Variants in UTS2 observed in about 807,000 individuals in gnomAD.
UTS2 encodes urotensin-2.
A neutral mutation model predicts 12.6 loss-of-function variants in UTS2; 10 were observed. That is an observed-to-expected ratio of 0.80 (90% CI 0.49 to 1.35). The LOEUF (loss-of-function observed/expected upper bound fraction) is 1.35, where lower values mean the gene tolerates loss of function less well. UTS2 is among the 40% of genes most tolerant of loss of function. The probability of loss-of-function intolerance (pLI) is 0.00; values close to 1 mark genes in which losing one functional copy is unlikely to be tolerated. For synonymous variants in UTS2, 52 were observed against 50.0 expected, an observed-to-expected ratio of 1.04 and a Z score of -0.17; for missense variants, 142 against 143.2, an observed-to-expected ratio of 0.99 and a Z score of 0.04.
the UTS2 span, among the ~76,000 whole-genome samples, chr1:7,905,512 G>T: frequency 6.7e-6 from 1 of 149,976 alleles, no homozygotes; most frequent in Admixed American, 6.7e-5. Context: ...GGCAAAAACT[G>T]CAATTACTTT....
upstream of UTS2, chr1:7,853,262 A>G (rs776807829): frequency 5.0e-6 from 8 of 1,611,448 alleles, no homozygotes; most frequent in Non-Finnish European, 6.8e-6. Flanking sequence ...TAGGTATTAT[A>G]TAAAGAACAG....
the UTS2 span, among the ~76,000 whole-genome samples, chr1:7,887,592 CAAAAAAA>C: frequency 0.023 from 1,455 of 62,452 alleles, 17 homozygotes; most frequent in African/African-American, 0.083. Flanking sequence ...CCAGTCTCTA[CAAAAAAA>C]AAAAAAAAAA....
Position 7,850,934 on chromosome 1 carries a change from A to T in UTS2, c.104-12T>A. 1 of 1,613,544 alleles carries T rather than the reference A, an allele frequency of 6.2e-7. No individual in the cohort carries two copies. Among genetic ancestry groups the T allele is most frequent in the African/African-American group, 1.3e-5 (1 of 75,022 alleles). On this transcript the variant is annotated splice_polypyrimidine_tract_variant and intron_variant, in intron 1 of 3. Transcript: ENST00000361696. ...GTCTTCATGAGGTGCTACAGAGTAAAAACAGATACTTAGAATTGGGTTCAT... is the reference window on the plus strand; with the variant it reads ...GTCTTCATGAGGTGCTACAGAGTAATAACAGATACTTAGAATTGGGTTCAT...
At chr1:7,857,916 C>T (rs886108016), upstream of UTS2, among the ~76,000 whole-genome samples, 1 of 151,096 alleles carries the variant, frequency 6.6e-6, no homozygotes, top group Non-Finnish European at 1.5e-5. Context: ...CATGTTTATG[C>T]TCATGCATGT....
chr1:7,891,357 C>A, the UTS2 span, among the ~76,000 whole-genome samples: 6 of 151,888 alleles, frequency 4.0e-5, no homozygotes, highest in Non-Finnish European at 2.9e-5. Flanking sequence ...GAAACCCGGT[C>A]TCTACTAAAA....
chr1:7,907,195 G>A, the UTS2 span, among the ~76,000 whole-genome samples: 2 of 152,124 alleles, frequency 1.3e-5, no homozygotes, highest in African/African-American at 4.8e-5. Context: ...GGTGGAGACT[G>A]CAATGAGCTG....
chr1:7,885,072 A>T, the UTS2 span, among the ~76,000 whole-genome samples: 1 of 137,618 alleles, frequency 7.3e-6, no homozygotes, highest in Non-Finnish European at 1.6e-5. Flanking sequence ...ATCCATTCAG[A>T]CATCCATCCA....
chr1:7,872,299 CAAAAAA>C, the UTS2 span, among the ~76,000 whole-genome samples: 3 of 65,884 alleles, frequency 4.6e-5, no homozygotes, highest in Admixed American at 2.7e-4. Flanking sequence ...GACTCTGTCT[CAAAAAA>C]AAAAAAAAAA....
the UTS2 span, among the ~76,000 whole-genome samples, chr1:7,878,848 C>T: frequency 1.6e-4 from 24 of 152,104 alleles, no homozygotes; most frequent in South Asian, 3.3e-3. Context: ...AAATGGAAAC[C>T]GAAAGAGCCA....
the UTS2 span, among the ~76,000 whole-genome samples, chr1:7,893,586 G>A: frequency 3.0e-3 from 451 of 152,234 alleles, no homozygotes; most frequent in African/African-American, 9.8e-3. Flanking sequence ...GTGATGACAC[G>A]TCACAGACCC....
At chr1:7,897,797 G>A in the UTS2 span, among the ~76,000 whole-genome samples, 1 of 152,092 alleles carries the variant, frequency 6.6e-6, no homozygotes, top group Non-Finnish European at 1.5e-5. Flanking sequence ...ATGTTGGCCA[G>A]GCTGGTCTCG....
In UTS2 at chr1:7,847,677, C is replaced by G; in HGVS notation, c.*89G>C. The G allele has an allele frequency of 9.3e-7, 1 of 1,080,918 alleles. No individual in the cohort carries two copies. The highest frequency in any genetic ancestry group is 2.4e-5 in the East Asian group (1 of 41,930). 67.0% of individuals were successfully genotyped at this position (1,080,918 alleles called of 1,614,324 possible). ...ACAGGGTGTAGTTTGCCTAGTTTTT[C>G]TCCACACTGTTTTCAAATCAAGCAT... On this transcript the variant is annotated 3_prime_UTR_variant, in exon 4 of 4. Transcript: ENST00000361696.
At chr1:7,859,178 G>A in the UTS2 span, among the ~76,000 whole-genome samples, 28 of 152,206 alleles carry the variant, frequency 1.8e-4, 1 homozygote, top group East Asian at 2.1e-3. Flanking sequence ...AGACATCATC[G>A]GGGTCCATTC....
At chr1:7,877,126 C>CAAAAAAA in the UTS2 span, among the ~76,000 whole-genome samples, 4 of 62,780 alleles carry the variant, frequency 6.4e-5, no homozygotes, top group East Asian at 5.2e-4. Context: ...GAGACTCTAT[C>CAAAAAAA]AAAAAAAAAA....
the UTS2 span, among the ~76,000 whole-genome samples, chr1:7,862,672 A>C: frequency 6.6e-6 from 1 of 152,086 alleles, no homozygotes; most frequent in Admixed American, 6.5e-5. Context: ...CTCTCTTAAC[A>C]ACCAGTTCTC....
In UTS2 at chr1:7,847,700, C is replaced by A; in HGVS notation, c.*66G>T. 8.0e-7 allele frequency: 1 copy of A among 1,252,922 alleles called. No individual in the cohort carries two copies. Among genetic ancestry groups the A allele is most frequent in the Admixed American group, 1.9e-5 (1 of 52,068 alleles). The allele number at this position is 1,252,922 out of a possible 1,614,324, so 77.6% of individuals were successfully genotyped here. A position where few individuals can be genotyped will look rare whatever the true frequency, so the allele number is the denominator to read the frequency against. ...TTCTCCACACTGTTTTCAAATCAAG[C>A]ATTGTGTTATTTTTCATATTCTAAG... is the stretch of plus-strand genomic sequence containing the variant. On this transcript the variant is annotated 3_prime_UTR_variant, in exon 4 of 4. Coordinates refer to ENST00000361696, the MANE Select transcript of UTS2 (RefSeq NM_006786.4).
At chr1:7,887,040 C>CAAAAAAAAA in the UTS2 span, among the ~76,000 whole-genome samples, 5 of 34,724 alleles carry the variant, frequency 1.4e-4, no homozygotes, top group African/African-American at 6.3e-4. Flanking sequence ...GACTCCGTCT[C>CAAAAAAAAA]AAAAAAAAAA....
chr1:7,849,967 C>CA (rs1208824367), intron 2 of UTS2, among the ~76,000 whole-genome samples: 8 of 127,200 alleles, frequency 6.3e-5, no homozygotes, highest in South Asian at 5.9e-4. Flanking sequence ...TTAAAAGGCT[C>CA]AAATTTTTTT....
chr1:7,849,051 A>G (rs1236250412), intron 3 of UTS2, among the ~76,000 whole-genome samples: 1 of 152,178 alleles, frequency 6.6e-6, no homozygotes, highest in East Asian at 1.9e-4. Context: ...TGAGAGCACA[A>G]GTGGATGCCA....
Sources: gnomAD v4.1 joint callset for allele counts (sites outside exome capture counted in the v4.1 genomes callset) on GRCh38, gnomAD v4.1.1 for gene constraint, MANE v1.5 for transcripts, NCBI Gene and HGNC (gene_info 2026-07-23, HGNC 2026-07-21) for gene names.